CACNG3: variants seen among roughly 807,000 people sequenced by gnomAD.
The protein encoded by CACNG3 is voltage-dependent calcium channel gamma-3 subunit.
In CACNG3, 3 loss-of-function variants were observed where a neutral mutation model predicts 28.5. The ratio of observed to expected loss-of-function variants is 0.11; its 90% confidence interval spans 0.05 to 0.27. The LOEUF is 0.27. Among genes scored for constraint, CACNG3 ranks in the 10% least tolerant of loss-of-function variants. CACNG3 has a pLI of 1.00. For synonymous variants in CACNG3, 174 were observed against 162.2 expected (o/e 1.07, Z -0.55); for missense variants, 236 against 414.4 (o/e 0.57, Z 3.74).
chr16:24,326,130 A>T (rs1224888244), intron 1 of CACNG3, among the ~76,000 whole-genome samples: 1 of 150,988 alleles, frequency 6.6e-6, no homozygotes, highest in African/African-American at 2.4e-5. Context: ...TAGCTTAGCC[A>T]CTCAATGGAA....
At chr16:24,310,109 G>A (rs1391713206) in intron 1 of CACNG3, among the ~76,000 whole-genome samples, 1 of 152,220 alleles carries the variant, frequency 6.6e-6, no homozygotes, top group Admixed American at 6.5e-5. Context: ...GAATGGCGAT[G>A]GCTTGGGCCA....
intron 1 of CACNG3, among the ~76,000 whole-genome samples, chr16:24,326,716 C>T (rs1412292866): frequency 1.3e-5 from 2 of 152,140 alleles, no homozygotes; most frequent in East Asian, 3.9e-4. Context: ...TCACCCTATG[C>T]TCACCTCACT....
intron 1 of CACNG3, among the ~76,000 whole-genome samples, chr16:24,300,822 G>A (rs1340472971): frequency 6.6e-6 from 1 of 152,068 alleles, no homozygotes; most frequent in Non-Finnish European, 1.5e-5. Flanking sequence ...TGGAAGCTAA[G>A]GGGGGCAGAT....
chr16:24,343,311 A>T (rs980480001), intron 1 of CACNG3, among the ~76,000 whole-genome samples: 2 of 152,166 alleles, frequency 1.3e-5, no homozygotes, highest in Non-Finnish European at 2.9e-5. Context: ...CCATTTCACA[A>T]GCAGATGCCC....
intron 1 of CACNG3, among the ~76,000 whole-genome samples, chr16:24,258,145 T>G (rs1211756252): frequency 6.6e-6 from 1 of 152,198 alleles, no homozygotes; most frequent in East Asian, 1.9e-4. Context: ...CTGGCTGGCA[T>G]TTGTCAGGGC....
chr16:24,304,316 A>T (rs1899155242), intron 1 of CACNG3, among the ~76,000 whole-genome samples: 1 of 152,204 alleles, frequency 6.6e-6, no homozygotes, highest in African/African-American at 2.4e-5. Context: ...TGCATAGGAA[A>T]GAGTATTACC....
At chr16:24,288,298 ACT>A (rs1898921052) in intron 1 of CACNG3, among the ~76,000 whole-genome samples, 1 of 152,032 alleles carries the variant, frequency 6.6e-6, no homozygotes. Flanking sequence ...CTTCACATGC[ACT>A]CTCTCATTTA....
intron 1 of CACNG3, among the ~76,000 whole-genome samples, chr16:24,271,630 CT>C (rs1432693559): frequency 6.6e-6 from 1 of 152,184 alleles, no homozygotes; most frequent in East Asian, 1.9e-4. Flanking sequence ...ACCAAATGTA[CT>C]TATTGAGCCG....
At chr16:24,293,549 C>G (rs1265714210) in intron 1 of CACNG3, among the ~76,000 whole-genome samples, 1 of 152,152 alleles carries the variant, frequency 6.6e-6, no homozygotes, top group Non-Finnish European at 1.5e-5. Flanking sequence ...TCACTTTTCC[C>G]CTTCTTATCT....
intron 3 of CACNG3, among the ~76,000 whole-genome samples, chr16:24,355,245 G>C (rs775329660): frequency 2.0e-5 from 3 of 152,042 alleles, no homozygotes; most frequent in Admixed American, 6.6e-5. Context: ...GGGCAGGAGA[G>C]AGAAAGAGAA....
At chr16:24,274,986 G>C (rs1285527172) in intron 1 of CACNG3, among the ~76,000 whole-genome samples, 2 of 152,230 alleles carry the variant, frequency 1.3e-5, no homozygotes, top group East Asian at 3.9e-4. Flanking sequence ...TCAAAGGGTG[G>C]TCTATTAATT....
chr16:24,275,893 C>T (rs961637355), intron 1 of CACNG3, among the ~76,000 whole-genome samples: 7 of 152,142 alleles, frequency 4.6e-5, no homozygotes, highest in Non-Finnish European at 7.3e-5. Context: ...ACCCATTCAA[C>T]GTGCAGGATT....
intron 1 of CACNG3, among the ~76,000 whole-genome samples, chr16:24,341,157 T>C (rs546642860): frequency 3.3e-5 from 5 of 152,364 alleles, no homozygotes; most frequent in Middle Eastern, 3.4e-3. Flanking sequence ...GTAAAGCCAT[T>C]TGTGTGCGAA....
chr16:24,282,469 G>T (rs1029800074), intron 1 of CACNG3, among the ~76,000 whole-genome samples: 1 of 151,596 alleles, frequency 6.6e-6, no homozygotes, highest in African/African-American at 2.4e-5. Context: ...TAGAGATGGG[G>T]TTTCACTCTG....
intron 1 of CACNG3, among the ~76,000 whole-genome samples, chr16:24,266,968 CTTT>C (rs750145274): frequency 2.9e-5 from 4 of 137,334 alleles, no homozygotes; most frequent in Non-Finnish European, 3.2e-5. Flanking sequence ...TTTTTAATTT[CTTT>C]TTTTTTTTTT....
chr16:24,326,810 T>C (rs1899553428), intron 1 of CACNG3, among the ~76,000 whole-genome samples: 1 of 152,128 alleles, frequency 6.6e-6, no homozygotes, highest in African/African-American at 2.4e-5. Flanking sequence ...GAATGGAAGC[T>C]CCTCTGGCAG....
chr16:24,346,743 G>A lies in CACNG3; in HGVS notation c.221G>A (p.Arg74Gln), dbSNP rs375344869. The A allele has an allele frequency of 8.0e-5, 129 of 1,613,726 alleles. No homozygotes were observed. The highest frequency in any genetic ancestry group is 1.6e-4 in the Middle Eastern group (1 of 6,082). ...TTATCTGTTTCCACAGGGGCTTTCC[G>A]AGGCGTGTGCAAGAAAATCGATCAC... ...WRTCCLEGAF[R>Q]GVCKKIDHFP... is the part of the protein sequence containing the mutation. The change falls in exon 2 of 4, where the codon CGA becomes CAA. Residue 74 changes from arginine to glutamine, a missense_variant. Physicochemically the swap from Arg to Gln is conservative, Grantham distance 43. Coordinates refer to ENST00000005284, the MANE Select transcript of CACNG3 (RefSeq NM_006539.4).
intron 1 of CACNG3, among the ~76,000 whole-genome samples, chr16:24,330,809 T>C (rs1899622137): frequency 6.6e-6 from 1 of 152,212 alleles, no homozygotes; most frequent in Non-Finnish European, 1.5e-5. Flanking sequence ...CTTCATGCTT[T>C]TGAATGCCTG....
At chr16:24,319,793 G>C (rs9938095) in intron 1 of CACNG3, among the ~76,000 whole-genome samples, 118,185 of 151,558 alleles carry the variant, frequency 0.78, 46,159 homozygotes, top group Middle Eastern at 0.88. Flanking sequence ...TGTTTTTAAA[G>C]AGAGTCTCAC....
Sources: gnomAD v4.1 joint callset for allele counts (sites outside exome capture counted in the v4.1 genomes callset) on GRCh38, gnomAD v4.1.1 for gene constraint, MANE v1.5 for transcripts, NCBI Gene and HGNC (gene_info 2026-07-23, HGNC 2026-07-21) for gene names.